The following FAM13A variants were observed in gnomAD, a reference collection of about 807,000 sequenced individuals.
The protein encoded by FAM13A is protein FAM13A.
In FAM13A, 76 loss-of-function variants were observed where a neutral mutation model predicts 129.6. That is an observed-to-expected ratio of 0.59 (90% CI 0.49 to 0.71). FAM13A has a LOEUF of 0.71. FAM13A is among the 30% of genes least tolerant of loss of function. The pLI is 0.00. For synonymous variants in FAM13A, 443 were observed against 449.9 expected (o/e 0.98, Z 0.20); for missense variants, 1,108 against 1,249.3 (o/e 0.89, Z 1.70).
At chr4:88,991,661 A>G (rs1418830524) in intron 3 of FAM13A, among the ~76,000 whole-genome samples, 1 of 152,154 alleles carries the variant, frequency 6.6e-6, no homozygotes, top group Non-Finnish European at 1.5e-5. Flanking sequence ...ATAAAATTTG[A>G]TATGAGAGAC....
chr4:88,910,219 C>T (rs759095788), intron 5 of FAM13A, among the ~76,000 whole-genome samples: 1 of 152,140 alleles, frequency 6.6e-6, no homozygotes, highest in African/African-American at 2.4e-5. Flanking sequence ...ATTTGATCTA[C>T]TTACATGAGA....
chr4:89,043,329 A>G (rs967851727), intron 1 of FAM13A, among the ~76,000 whole-genome samples: 1 of 152,194 alleles, frequency 6.6e-6, no homozygotes, highest in Non-Finnish European at 1.5e-5. Context: ...TTTATGAAGA[A>G]AAGACAACAG....
At chr4:88,906,332 C>T (rs1174735858) in intron 6 of FAM13A, 47 bp downstream of exon 6, 3 of 1,203,338 alleles carry the variant, frequency 2.5e-6, no homozygotes, top group Non-Finnish European at 3.6e-6. Context: ...AACAAAGAAC[C>T]ATGCTAAAGA....
chr4:88,769,941 T>G (rs1331945276), intron 11 of FAM13A, among the ~76,000 whole-genome samples: 1 of 152,082 alleles, frequency 6.6e-6, no homozygotes, highest in Admixed American at 6.6e-5. Context: ...AGCTATAATA[T>G]CTCCAAGGGA....
At chr4:88,875,889 C>T (rs559321691) in intron 6 of FAM13A, among the ~76,000 whole-genome samples, 68 of 152,272 alleles carry the variant, frequency 4.5e-4, no homozygotes, top group Middle Eastern at 3.4e-3. Flanking sequence ...TTGAAACCAA[C>T]CCAAATGTCC....
intron 20 of FAM13A, among the ~76,000 whole-genome samples, chr4:88,738,232 C>A (rs910492123): frequency 3.3e-5 from 5 of 152,142 alleles, no homozygotes; most frequent in African/African-American, 4.8e-5. Flanking sequence ...TGTATTGCAA[C>A]GGCAACATCA....
intron 13 of FAM13A, among the ~76,000 whole-genome samples, chr4:88,761,472 C>T (rs1170773278): frequency 1.3e-5 from 2 of 152,084 alleles, no homozygotes; most frequent in African/African-American, 4.8e-5. Flanking sequence ...CTAGTGTATC[C>T]GTCATGAATC....
intron 6 of FAM13A, among the ~76,000 whole-genome samples, chr4:88,867,398 T>G (rs1225508469): frequency 6.6e-6 from 1 of 152,144 alleles, no homozygotes; most frequent in African/African-American, 2.4e-5. Flanking sequence ...GCACAACATG[T>G]AAAAAAACAT....
At chr4:89,005,855 A>T (rs748014165) in intron 3 of FAM13A, among the ~76,000 whole-genome samples, 1 of 152,030 alleles carries the variant, frequency 6.6e-6, no homozygotes, top group Non-Finnish European at 1.5e-5. Flanking sequence ...CTCCTATTCT[A>T]TAGGTTGTCT....
chr4:88,934,016 C>A (rs1753460160), intron 5 of FAM13A, among the ~76,000 whole-genome samples: 1 of 152,120 alleles, frequency 6.6e-6, no homozygotes, highest in South Asian at 2.1e-4. Context: ...CTCTCAACTG[C>A]TCATCAGACC....
intron 6 of FAM13A, among the ~76,000 whole-genome samples, chr4:88,893,507 C>CAGCTACAGCT: frequency 6.6e-6 from 1 of 151,770 alleles, no homozygotes; most frequent in Non-Finnish European, 1.5e-5. Context: ...CCTGTAGTCC[C>CAGCTACAGCT]AGCTACTCAG....
rs569200312 is a variant in FAM13A, at chr4:88,785,273, G to A, written c.1271+2480C>T. Reference sequence around the variant, plus strand: ...TTCATAAAGCTTATAGTTTTGAATAGAATATTACAGCCTAGCTTAATTTTT... The same window carrying A: ...TTCATAAAGCTTATAGTTTTGAATAAAATATTACAGCCTAGCTTAATTTTT... On this transcript the variant is annotated intron_variant, in intron 10 of 23. Coordinates refer to ENST00000264344, the MANE Select transcript of FAM13A (RefSeq NM_014883.4). Among the ~76,000 whole-genome samples, 3 of 152,202 alleles carry A rather than the reference G, an allele frequency of 2.0e-5. No homozygotes were observed. In the South Asian group the frequency reaches 6.2e-4, roughly 32 times the overall value.
intron 10 of FAM13A, among the ~76,000 whole-genome samples, chr4:88,781,904 T>TA (rs1722991546): frequency 2.0e-5 from 3 of 151,266 alleles, no homozygotes; most frequent in Admixed American, 1.3e-4. Flanking sequence ...GACGAGTTAA[T>TA]GGGTGCAGCA....
chr4:88,950,044 C>G (rs1756677647), intron 4 of FAM13A, among the ~76,000 whole-genome samples: 1 of 152,044 alleles, frequency 6.6e-6, no homozygotes, highest in Non-Finnish European at 1.5e-5. Context: ...ATCAAGTTAC[C>G]AATCATTTGG....
At position 88,952,800 on chromosome 4, in the gene FAM13A, T is replaced by C. The variant is rs573888805; in HGVS notation, c.606-14559A>G. ...CCGTCTCTACTAAAAACACAAAAAT[T>C]AGCTGGGTGTGTTGACGCACATCTG... On this transcript the variant is annotated intron_variant, in intron 4 of 23. Coordinates refer to ENST00000264344, the MANE Select transcript of FAM13A (RefSeq NM_014883.4). 5.9e-5 allele frequency among the ~76,000 whole-genome samples: 9 copies of C among 151,868 alleles called. No individual in the cohort carries two copies. In the South Asian group the frequency reaches 1.2e-3, roughly 21 times the overall value.
rs70959640 is a variant in FAM13A, at chr4:88,973,131, ATTTTT to A, written c.605+17837_605+17841del. On this transcript the variant is annotated intron_variant, in intron 4 of 23. Transcript: ENST00000264344. ...GTTTGAAATGACAAGCCTAGGCATA[ATTTTT>A]TTTTTTTTTTTTGTCATTTATCTTG... is the stretch of plus-strand genomic sequence containing the variant. 1.0e-4 allele frequency among the ~76,000 whole-genome samples: 14 copies of A among 134,480 alleles called. No homozygotes were observed. In the East Asian group the frequency reaches 2.6e-3, roughly 25 times the overall value. The allele number at this position is 134,480 out of a possible 152,430, so 88.2% of individuals were successfully genotyped here.
At chr4:88,832,186 G>A (rs1734006409) in intron 7 of FAM13A, among the ~76,000 whole-genome samples, 1 of 152,190 alleles carries the variant, frequency 6.6e-6, no homozygotes, top group Admixed American at 6.5e-5. Flanking sequence ...CTAGCCATAT[G>A]CAGAAAACTG....
intron 4 of FAM13A, among the ~76,000 whole-genome samples, chr4:88,963,147 T>G (rs938040458): frequency 6.6e-6 from 1 of 152,202 alleles, no homozygotes; most frequent in Non-Finnish European, 1.5e-5. Flanking sequence ...TTAAAATTGA[T>G]GAGGTTATAT....
intron 1 of FAM13A, among the ~76,000 whole-genome samples, chr4:89,042,817 G>A (rs914958721): frequency 6.6e-6 from 1 of 151,706 alleles, no homozygotes; most frequent in African/African-American, 2.4e-5. Flanking sequence ...TGCTTAAATC[G>A]CCTTATAGCT....
Sources: gnomAD v4.1 joint callset for allele counts (sites outside exome capture counted in the v4.1 genomes callset) on GRCh38, gnomAD v4.1.1 for gene constraint, MANE v1.5 for transcripts, NCBI Gene and HGNC (gene_info 2026-07-23, HGNC 2026-07-21) for gene names.